SPIDR: variants seen among roughly 807,000 people sequenced by gnomAD.
SPIDR encodes the protein DNA repair-scaffolding protein.
SPIDR carries 93 observed loss-of-function variants against 104.6 expected under a neutral mutation model. The observed-to-expected ratio is 0.89, with a 90% CI of 0.75 to 1.06. The LOEUF (loss-of-function observed/expected upper bound fraction) is 1.06, where lower values mean the gene tolerates loss of function less well. SPIDR is among the 50% of genes least tolerant of loss of function. The pLI, the probability that SPIDR is intolerant of heterozygous loss-of-function variation, is 0.00. For missense variants in SPIDR, 1,154 were observed against 1,111.2 expected, an observed-to-expected ratio of 1.04 and a Z score of -0.55; for synonymous variants, 431 against 416.9, an observed-to-expected ratio of 1.03 and a Z score of -0.41.
At chr8:47,355,996 C>A (rs1274551019) in intron 5 of SPIDR, among the ~76,000 whole-genome samples, 1 of 152,146 alleles carries the variant, frequency 6.6e-6, no homozygotes, top group African/African-American at 2.4e-5. Flanking sequence ...CCTTATTTAC[C>A]TCTCTCCCCA....
chr8:47,361,783 G>A (rs2056022515), intron 5 of SPIDR, among the ~76,000 whole-genome samples: 1 of 152,240 alleles, frequency 6.6e-6, no homozygotes. Flanking sequence ...TAAGACAGAT[G>A]AGGGCAGGCA....
intron 10 of SPIDR, among the ~76,000 whole-genome samples, chr8:47,654,954 C>G (rs574773500): frequency 6.6e-6 from 1 of 151,674 alleles, no homozygotes; most frequent in South Asian, 2.1e-4. Flanking sequence ...TCAATTCCTA[C>G]CTATGAGTGA....
chr8:47,377,585 T>A (rs2058803902), intron 5 of SPIDR, among the ~76,000 whole-genome samples: 1 of 152,350 alleles, frequency 6.6e-6, no homozygotes, highest in South Asian at 2.1e-4. Flanking sequence ...ATTTTTATTC[T>A]GATTCAGTTT....
intron 8 of SPIDR, among the ~76,000 whole-genome samples, chr8:47,489,760 C>T (rs2078347449): frequency 6.6e-6 from 1 of 152,152 alleles, no homozygotes; most frequent in African/African-American, 2.4e-5. Context: ...GAAAGGATTC[C>T]CTATTTAATA....
At position 47,421,444 on chromosome 8, in the gene SPIDR, G is replaced by A. The variant is rs1388709800; in HGVS notation, c.877+13483G>A. 4.6e-5 allele frequency among the ~76,000 whole-genome samples: 7 copies of A among 152,234 alleles called. No homozygotes were observed. The East Asian group carries it at 1.2e-3, about 25-fold the overall frequency. ...GGGTTCGTCCTGTCGTTCTCTTGTT[G>A]TGGTTTTTAGCTCCATGAGGTCCTG... is the stretch of plus-strand genomic sequence containing the variant. On this transcript the variant is annotated intron_variant, in intron 7 of 19. Transcript: ENST00000297423.
chr8:47,596,762 T>C (rs2061662714), intron 9 of SPIDR, among the ~76,000 whole-genome samples: 1 of 152,202 alleles, frequency 6.6e-6, no homozygotes, highest in Non-Finnish European at 1.5e-5. Context: ...TAGCAACACT[T>C]AGCTTACAAC....
intron 5 of SPIDR, among the ~76,000 whole-genome samples, chr8:47,307,977 AT>A (rs1437930292): frequency 2.0e-5 from 3 of 150,726 alleles, no homozygotes; most frequent in African/African-American, 7.3e-5. Context: ...ATATCTTGTT[AT>A]TTTTTTGTTG....
At chr8:47,333,459 A>C (rs1176437002) in intron 5 of SPIDR, among the ~76,000 whole-genome samples, 1 of 151,652 alleles carries the variant, frequency 6.6e-6, no homozygotes, top group Non-Finnish European at 1.5e-5. Flanking sequence ...GCACCACTAC[A>C]CCTGGCTAAT....
At chr8:47,355,859 G>A (rs1010261456) in intron 5 of SPIDR, among the ~76,000 whole-genome samples, 6 of 152,112 alleles carry the variant, frequency 3.9e-5, no homozygotes, top group South Asian at 2.1e-4. Context: ...GTTAAATTCC[G>A]GAAGGAGTTT....
chr8:47,310,470 A>G (rs933503932), intron 5 of SPIDR, among the ~76,000 whole-genome samples: 1 of 152,168 alleles, frequency 6.6e-6, no homozygotes, highest in African/African-American at 2.4e-5. Flanking sequence ...AATAACAATG[A>G]CAACTTTTGG....
chr8:47,605,807 T>G (rs2062864527), intron 10 of SPIDR, among the ~76,000 whole-genome samples: 1 of 152,132 alleles, frequency 6.6e-6, no homozygotes, highest in Non-Finnish European at 1.5e-5. Context: ...TCTTTAACAG[T>G]AAGCATAGAT....
At chr8:47,412,952 T>C (rs1297404637) in intron 7 of SPIDR, among the ~76,000 whole-genome samples, 1 of 152,236 alleles carries the variant, frequency 6.6e-6, no homozygotes, top group Admixed American at 6.5e-5. Context: ...GCCACTTAAA[T>C]TCTCAAATGG....
chr8:47,302,265 G>A (rs1056170164), intron 5 of SPIDR, among the ~76,000 whole-genome samples: 21,086 of 151,876 alleles, frequency 0.14, 2,360 homozygotes, highest in African/African-American at 0.32. Context: ...CATTCGTCAC[G>A]TAGTTCTCGT....
At chr8:47,439,484 A>G (rs781942205) in intron 7 of SPIDR, among the ~76,000 whole-genome samples, 7 of 152,148 alleles carry the variant, frequency 4.6e-5, no homozygotes, top group Non-Finnish European at 8.8e-5. Context: ...TGTTGTATGA[A>G]CACACCATGG....
intron 8 of SPIDR, among the ~76,000 whole-genome samples, chr8:47,504,150 T>G (rs966724418): frequency 2.9e-4 from 44 of 152,276 alleles, no homozygotes; most frequent in African/African-American, 1.0e-3. Flanking sequence ...TTTGTGGCGT[T>G]CTCTGTATTT....
chr8:47,466,887 GAAA>G (rs148299700), intron 8 of SPIDR, among the ~76,000 whole-genome samples: 46 of 48,956 alleles, frequency 9.4e-4, no homozygotes, highest in East Asian at 5.2e-3. Flanking sequence ...AGTTTTTTTT[GAAA>G]AAAAAAAAAA....
chr8:47,280,308 A>G lies in SPIDR; in HGVS notation c.189+291A>G, dbSNP rs976159127. 5.3e-5 allele frequency among the ~76,000 whole-genome samples: 8 copies of G among 151,314 alleles called. No homozygotes were observed. The East Asian group carries it at 9.7e-4, about 18-fold the overall frequency. ...GCCCAGGCTGGAGTACAGTGGCGCA[A>G]TCATAGCTCATGGCATCCTTCAGGC... On this transcript the variant is annotated intron_variant, in intron 2 of 19. Coordinates refer to ENST00000297423, the MANE Select transcript of SPIDR (RefSeq NM_001080394.4).
intron 10 of SPIDR, among the ~76,000 whole-genome samples, chr8:47,606,908 C>T (rs951625998): frequency 1.4e-4 from 22 of 152,286 alleles, no homozygotes; most frequent in East Asian, 3.9e-4. Context: ...TTCGCTGTAA[C>T]GGTGGCATAT....
At chr8:47,280,620 T>C (rs1586268456) in intron 2 of SPIDR, among the ~76,000 whole-genome samples, 1 of 152,156 alleles carries the variant, frequency 6.6e-6, no homozygotes, top group African/African-American at 2.4e-5. Flanking sequence ...TTGGAACTCC[T>C]GACCTCAGGT....
Sources: gnomAD v4.1 joint callset for allele counts (sites outside exome capture counted in the v4.1 genomes callset) on GRCh38, gnomAD v4.1.1 for gene constraint, MANE v1.5 for transcripts, NCBI Gene and HGNC (gene_info 2026-07-23, HGNC 2026-07-21) for gene names.